RGS10: variants seen among roughly 807,000 people sequenced by gnomAD.
The protein encoded by RGS10 is regulator of G protein signaling 10.
RGS10 carries 11 observed loss-of-function variants against 23.5 expected under a neutral mutation model. The ratio of observed to expected loss-of-function variants is 0.47; its 90% CI spans 0.29 to 0.77. The LOEUF (loss-of-function observed/expected upper bound fraction) is 0.77, where lower values mean the gene tolerates loss of function less well. Among genes scored for constraint, RGS10 ranks in the 30% least tolerant of loss-of-function variants. The pLI is 0.08. For missense variants in RGS10, 180 were observed against 226.3 expected (o/e 0.80, Z 1.31); for synonymous variants, 77 against 83.2 (o/e 0.92, Z 0.41).
intron 4 of RGS10, among the ~76,000 whole-genome samples, chr10:119,502,609 G>A (rs1463261237): frequency 6.6e-6 from 1 of 152,176 alleles, no homozygotes; most frequent in Non-Finnish European, 1.5e-5. Flanking sequence ...GAGGGGGAGG[G>A]AAGGAGGCTG....
chr10:119,506,781 A>G (rs1339371209), intron 4 of RGS10, among the ~76,000 whole-genome samples: 2 of 152,032 alleles, frequency 1.3e-5, no homozygotes, highest in Non-Finnish European at 2.9e-5. Flanking sequence ...GCTCACCGCA[A>G]CCTCCAACTC....
intron 1 of RGS10, chr10:119,536,571 A>C (rs1383087495): frequency 2.6e-6 from 4 of 1,516,214 alleles, no homozygotes; most frequent in East Asian, 4.9e-5. Flanking sequence ...GCTCCCGAGC[A>C]CCCTTGGGTC....
At chr10:119,500,745 T>C (rs1564706670) in intron 4 of RGS10, among the ~76,000 whole-genome samples, 1 of 150,602 alleles carries the variant, frequency 6.6e-6, no homozygotes, top group African/African-American at 2.4e-5. Context: ...AAACCTATTA[T>C]TGTACCAGGA....
chr10:119,541,581 G>A (rs1844435441), intron 1 of RGS10, among the ~76,000 whole-genome samples: 2 of 152,092 alleles, frequency 1.3e-5, no homozygotes, highest in African/African-American at 4.8e-5. Flanking sequence ...AAACCACAAT[G>A]TCCCTCATAA....
At chr10:119,536,431 CG>C in intron 1 of RGS10, 1 of 1,605,360 alleles carries the variant, frequency 6.2e-7, no homozygotes. Context: ...AGGCAAACTG[CG>C]GACATGGAAA....
intron 4 of RGS10, among the ~76,000 whole-genome samples, chr10:119,511,372 A>G (rs1220508507): frequency 6.6e-6 from 1 of 152,114 alleles, no homozygotes; most frequent in East Asian, 1.9e-4. Context: ...TAATCCCAGT[A>G]CTTTGGGAGG....
intron 4 of RGS10, among the ~76,000 whole-genome samples, chr10:119,511,905 C>G (rs1339238658): frequency 6.6e-6 from 1 of 152,170 alleles, no homozygotes; most frequent in East Asian, 1.9e-4. Flanking sequence ...TCTACCACAA[C>G]TTCAAATCTG....
chr10:119,536,496 C>T, intron 1 of RGS10: 1 of 1,611,702 alleles, frequency 6.2e-7, no homozygotes, highest in Non-Finnish European at 8.5e-7. Context: ...TGAGAAGTTC[C>T]ACGCAGACCA....
At chr10:119,536,487 G>A in intron 1 of RGS10, 2 of 1,612,404 alleles carry the variant, frequency 1.2e-6, no homozygotes, top group Non-Finnish European at 1.7e-6. Flanking sequence ...GTGTCCACCT[G>A]AGAAGTTCCA....
At chr10:119,529,553 C>T (rs1199866225) in intron 1 of RGS10, among the ~76,000 whole-genome samples, 1 of 152,140 alleles carries the variant, frequency 6.6e-6, no homozygotes, top group African/African-American at 2.4e-5. Context: ...AAATCATCCC[C>T]CATCTCTTGG....
chr10:119,513,810 C>A (rs1844106381), intron 4 of RGS10, among the ~76,000 whole-genome samples: 1 of 152,220 alleles, frequency 6.6e-6, no homozygotes, highest in African/African-American at 2.4e-5. Flanking sequence ...CAGCAAGAGG[C>A]TGCCCAGGAG....
intron 3 of RGS10, among the ~76,000 whole-genome samples, chr10:119,522,966 C>T (rs968922909): frequency 6.6e-6 from 1 of 151,684 alleles, no homozygotes; most frequent in Non-Finnish European, 1.5e-5. Flanking sequence ...CAGCCTTGAC[C>T]TCCCTGGGCA....
At chr10:119,541,776 C>T (rs1043882159) in intron 1 of RGS10, among the ~76,000 whole-genome samples, 11 of 152,214 alleles carry the variant, frequency 7.2e-5, no homozygotes, top group Non-Finnish European at 1.6e-4. Flanking sequence ...CGCCTGGCTT[C>T]CGCTCCCTCC....
chr10:119,533,139 C>T (rs1844348525), intron 1 of RGS10, among the ~76,000 whole-genome samples: 1 of 151,310 alleles, frequency 6.6e-6, no homozygotes, highest in South Asian at 2.1e-4. Context: ...AGCCAGATCA[C>T]GAGGTCAGTT....
chr10:119,526,029 T>C lies in RGS10; in HGVS notation c.255+3A>G. On this transcript the variant is annotated splice_donor_region_variant and intron_variant, in intron 3 of 4. Transcript: ENST00000369103. ...AAAAAAATTATCAGAGTGGAGGAAATACCTGCGTCTTATCTTGCATTTTCT... is the reference window on the plus strand; with the variant it reads ...AAAAAAATTATCAGAGTGGAGGAAACACCTGCGTCTTATCTTGCATTTTCT... 1 of 1,531,842 alleles carries C rather than the reference T, an allele frequency of 6.5e-7. No individual in the cohort carries two copies. The highest frequency in any genetic ancestry group is 8.9e-7 in the Non-Finnish European group (1 of 1,124,304). The allele number at this position is 1,531,842 out of a possible 1,614,324, so 94.9% of individuals were successfully genotyped here.
intron 3 of RGS10, among the ~76,000 whole-genome samples, chr10:119,521,497 A>T (rs1434890000): frequency 6.6e-6 from 1 of 151,070 alleles, no homozygotes; most frequent in African/African-American, 2.4e-5. Flanking sequence ...TTGAACCTGG[A>T]AGACAGAGGT....
chr10:119,539,926 A>G (rs112573157), intron 1 of RGS10, among the ~76,000 whole-genome samples: 1 of 150,650 alleles, frequency 6.6e-6, no homozygotes, highest in African/African-American at 2.4e-5. Context: ...ATACAATTTG[A>G]GGATCCTCTT....
intron 4 of RGS10, among the ~76,000 whole-genome samples, chr10:119,504,900 T>C (rs1843993185): frequency 1.3e-5 from 2 of 152,216 alleles, no homozygotes; most frequent in African/African-American, 4.8e-5. Flanking sequence ...CTTGATGTCA[T>C]ATTTTCAATC....
In RGS10 at chr10:119,504,440, T is replaced by G. The variant is rs564159364; in HGVS notation, c.400-4181A>C. Among the ~76,000 whole-genome samples the G allele has an allele frequency of 8.5e-5, 13 of 152,270 alleles. No homozygotes were observed. The East Asian group carries it at 2.3e-3, about 27-fold the overall frequency. On this transcript the variant is annotated intron_variant, in intron 4 of 4. Transcript: ENST00000369103. ...ATCCACCCTCCTAGGCCTCCCAAAGTGCCGGGATTACAGGCATGAGCCACC... is the reference window on the plus strand; with the variant it reads ...ATCCACCCTCCTAGGCCTCCCAAAGGGCCGGGATTACAGGCATGAGCCACC...
Sources: gnomAD v4.1 joint callset for allele counts (sites outside exome capture counted in the v4.1 genomes callset) on GRCh38, gnomAD v4.1.1 for gene constraint, MANE v1.5 for transcripts, NCBI Gene and HGNC (gene_info 2026-07-23, HGNC 2026-07-21) for gene names.